AGBL1: variants seen among roughly 807,000 people sequenced by gnomAD.
AGBL1 encodes the protein AGBL carboxypeptidase 1.
Under a neutral mutation model 118.9 loss-of-function variants are expected in AGBL1, and 130 were observed. The ratio of observed to expected loss-of-function variants is 1.09; its 90% CI spans 0.95 to 1.26. AGBL1 has a LOEUF of 1.26. AGBL1 is among the 50% of genes most tolerant of loss of function. AGBL1 has a pLI of 0.00. For missense variants in AGBL1, 1,584 were observed against 1,298.1 expected, an observed-to-expected ratio of 1.22 and a Z score of -3.38; for synonymous variants, 555 against 478.9, an observed-to-expected ratio of 1.16 and a Z score of -2.08.
chr15:86,776,802 G>T (rs1006067281), intron 22 of AGBL1, among the ~76,000 whole-genome samples: 3 of 149,334 alleles, frequency 2.0e-5, no homozygotes, highest in Admixed American at 6.7e-5. Context: ...GAGAGAGAGA[G>T]AATTAAGGGG....
rs529084465 is a variant in AGBL1 at position 86,537,006 on chromosome 15, AG to A, written c.2686-8995del. Reference sequence around the variant, plus strand: ...CAAGGGCATTGGGCGTAGGGCTTAAAGTTCTCATCGCAGACAGTGAGGGTTG... The same window carrying A: ...CAAGGGCATTGGGCGTAGGGCTTAAATTCTCATCGCAGACAGTGAGGGTTG... On this transcript the variant is annotated intron_variant, in intron 19 of 22. Transcript: ENST00000614907. 7.4e-4 allele frequency among the ~76,000 whole-genome samples: 113 copies of A among 152,352 alleles called. 1 individual carries two copies. The highest frequency in any genetic ancestry group is 6.1e-3 in the Admixed American group (93 of 15,300).
At chr15:86,381,155 G>A (rs55782299) in intron 17 of AGBL1, among the ~76,000 whole-genome samples, 7,653 of 152,064 alleles carry the variant, frequency 0.05, 647 homozygotes, top group African/African-American at 0.18. Context: ...ATTTGAAAAA[G>A]TTTCATGTTT....
chr15:87,029,603 A>G (rs2081766559), downstream of AGBL1, among the ~76,000 whole-genome samples: 1 of 151,978 alleles, frequency 6.6e-6, no homozygotes, highest in Non-Finnish European at 1.5e-5. Context: ...TGAGATGACT[A>G]TAGTTATATG....
chr15:86,143,994 C>T (rs2076999648), intron 3 of AGBL1, 149 bp downstream of exon 3: 1 of 1,011,196 alleles, frequency 9.9e-7, no homozygotes, highest in South Asian at 1.7e-5. Flanking sequence ...AGGACCAGCC[C>T]CATAGGAGAG....
chr15:86,977,670 T>C (rs1391360657), intron 23 of AGBL1, among the ~76,000 whole-genome samples: 1 of 152,008 alleles, frequency 6.6e-6, no homozygotes, highest in African/African-American at 2.4e-5. Flanking sequence ...AGGAAAATTA[T>C]TGGGTTTTAT....
At chr15:86,344,509 C>T (rs1234695386) in intron 17 of AGBL1, among the ~76,000 whole-genome samples, 2 of 151,906 alleles carry the variant, frequency 1.3e-5, no homozygotes, top group Non-Finnish European at 2.9e-5. Flanking sequence ...GCCTTGAGTT[C>T]ACAACACCAC....
rs534632609 is a variant in AGBL1 at position 86,560,533 on chromosome 15, C to T, written c.2994+5996C>T. Among the ~76,000 whole-genome samples the T allele has an allele frequency of 3.3e-5, 5 of 152,332 alleles. No homozygotes were observed. In the South Asian group the frequency reaches 1.0e-3, roughly 32 times the overall value. ...ATGTGCCACATTTTCTTAATCCAGT[C>T]TATCATTGATGGACATTTGGGTTGG... On this transcript the variant is annotated intron_variant, in intron 21 of 22. Coordinates refer to ENST00000614907, the MANE Select transcript of AGBL1 (RefSeq NM_001386094.1).
chr15:86,262,457 A>T (rs1287290534), intron 9 of AGBL1, among the ~76,000 whole-genome samples: 1 of 152,190 alleles, frequency 6.6e-6, no homozygotes, highest in Non-Finnish European at 1.5e-5. Flanking sequence ...GATGCTGACG[A>T]TAGTGGCAAT....
intron 21 of AGBL1, among the ~76,000 whole-genome samples, chr15:86,654,760 C>G (rs1263255571): frequency 6.6e-6 from 1 of 151,998 alleles, no homozygotes; most frequent in Admixed American, 6.6e-5. Context: ...CATGGTAAAC[C>G]TTTTCTGATG....
chr15:86,759,699 A>G (rs1179548330), intron 22 of AGBL1, among the ~76,000 whole-genome samples: 1 of 152,114 alleles, frequency 6.6e-6, no homozygotes, highest in Non-Finnish European at 1.5e-5. Context: ...AATATGGAAG[A>G]ACATTAAAAT....
At chr15:86,172,860 T>C (rs1258138515) in intron 5 of AGBL1, among the ~76,000 whole-genome samples, 1 of 152,198 alleles carries the variant, frequency 6.6e-6, no homozygotes, top group Non-Finnish European at 1.5e-5. Context: ...TTTGGTTAAA[T>C]ATTCAATAGC....
At chr15:86,568,581 C>T (rs1169642489) in intron 21 of AGBL1, among the ~76,000 whole-genome samples, 4 of 152,228 alleles carry the variant, frequency 2.6e-5, no homozygotes, top group African/African-American at 9.6e-5. Context: ...CAGTCTAAAT[C>T]TTCTGTGACT....
chr15:86,533,623 A>G (rs925156929), intron 19 of AGBL1, among the ~76,000 whole-genome samples: 4 of 136,554 alleles, frequency 2.9e-5, no homozygotes, highest in African/African-American at 1.2e-4. Flanking sequence ...TATATACCCA[A>G]ATGACTATAA....
intron 22 of AGBL1, among the ~76,000 whole-genome samples, chr15:86,856,486 T>C (rs1204129864): frequency 2.0e-5 from 3 of 152,204 alleles, no homozygotes; most frequent in African/African-American, 4.8e-5. Context: ...CAAATGTCTT[T>C]GTGAAGCAAT....
intron 17 of AGBL1, among the ~76,000 whole-genome samples, chr15:86,332,420 G>C (rs979243065): frequency 8.5e-5 from 13 of 152,110 alleles, no homozygotes; most frequent in African/African-American, 3.1e-4. Context: ...GCTGAGGTGG[G>C]CGGATCACGA....
intron 21 of AGBL1, among the ~76,000 whole-genome samples, chr15:86,589,791 C>T (rs1221256492): frequency 6.6e-6 from 1 of 152,140 alleles, no homozygotes; most frequent in Non-Finnish European, 1.5e-5. Context: ...TCTAATCTAT[C>T]ATTTCTCTAT....
At chr15:86,119,549 G>A (rs572468320) in intron 1 of AGBL1, among the ~76,000 whole-genome samples, 1 of 152,178 alleles carries the variant, frequency 6.6e-6, no homozygotes, top group East Asian at 1.9e-4. Flanking sequence ...TGCCCCCCCG[G>A]ACCCATCAAC....
intron 23 of AGBL1, among the ~76,000 whole-genome samples, chr15:86,962,524 T>A (rs963544502): frequency 6.6e-5 from 10 of 152,228 alleles, no homozygotes; most frequent in African/African-American, 2.2e-4. Flanking sequence ...ACACTTTTTT[T>A]AAGAATTCTT....
At chr15:86,314,728 G>T (rs1180995539) in intron 17 of AGBL1, among the ~76,000 whole-genome samples, 1 of 152,134 alleles carries the variant, frequency 6.6e-6, no homozygotes, top group Non-Finnish European at 1.5e-5. Context: ...CCAGTAGGAA[G>T]TCCCTTTAAT....
Sources: allele counts gnomAD v4.1 joint callset (sites outside exome capture counted in the v4.1 genomes callset), GRCh38; gene constraint gnomAD v4.1.1; transcripts MANE v1.5; gene names NCBI Gene and HGNC (gene_info 2026-07-23, HGNC 2026-07-21).